Variants in SOHLH1 observed in about 807,000 individuals in gnomAD.
SOHLH1 encodes spermatogenesis and oogenesis specific basic helix-loop-helix 1, also known as spermatogenesis- and oogenesis-specific basic helix-loop-helix-containing protein 1.
SOHLH1 carries 23 observed loss-of-function variants against 36.2 expected under a neutral mutation model. The observed-to-expected ratio is 0.64, with a 90% CI of 0.46 to 0.90. The LOEUF is 0.90. SOHLH1 is among the 40% of genes least tolerant of loss of function. The pLI, the probability that SOHLH1 is intolerant of heterozygous loss-of-function variation, is 0.00. For missense variants in SOHLH1, 608 were observed against 517.0 expected (o/e 1.18, Z -1.71); for synonymous variants, 289 against 228.3 (o/e 1.27, Z -2.40).
rs760121445 is a variant in SOHLH1, at chr9:135,696,661, C to T, written c.612G>A (p.Glu204=). 9.3e-6 allele frequency: 15 copies of T among 1,612,790 alleles called. No individual in the cohort carries two copies. The highest frequency in any genetic ancestry group is 1.3e-5 in the Non-Finnish European group (15 of 1,179,912). The change falls in exon 5 of 8, where the codon GAG becomes GAA. Residue 204 remains glutamate, a synonymous_variant. Coordinates refer to ENST00000425225, the MANE Select transcript of SOHLH1 (RefSeq NM_001101677.2). ...GCACCTGGCACAGCCCCAACAGTGC[C>T]TCACACTTGTCCGTGCCCAGGGACG... The part of the protein sequence containing the change: ...SCTSLGTDKC[E]ALLGLCQVRG...
rs760786593 is a variant in SOHLH1, at chr9:135,696,740, T to C, written c.533A>G (p.Glu178Gly). The C allele has an allele frequency of 3.7e-6, 6 of 1,612,944 alleles. No individual in the cohort carries two copies. Among genetic ancestry groups the C allele is most frequent in the Non-Finnish European group, 5.1e-6 (6 of 1,180,008 alleles). The change falls in exon 5 of 8, where the codon GAG becomes GGG. Residue 178 changes from glutamate to glycine, a missense_variant. By Grantham distance (98) the Glu-to-Gly change is moderately conservative. Transcript: ENST00000425225. Reference protein sequence around the residue: ...WSLDPASASPEPVPHILASSR... With the variant: ...WSLDPASASPGPVPHILASSR... ...GGACGCAAGGATGTGCGGCACGGGC[T>C]CTGGGCTGGCCGACGCTGGATCCAG...
In SOHLH1 at chr9:135,698,987, C is replaced by G. The variant is rs758239978; in HGVS notation, c.197+8G>C. ...GCGCCCTCACCCCTGGGAGGCACCACCACTCACCTGCGCTCCCTCTCGCTG... is the reference window on the plus strand; with the variant it reads ...GCGCCCTCACCCCTGGGAGGCACCAGCACTCACCTGCGCTCCCTCTCGCTG... On this transcript the variant is annotated splice_region_variant and intron_variant, in intron 2 of 7. Coordinates refer to ENST00000425225, the MANE Select transcript of SOHLH1 (RefSeq NM_001101677.2). The G allele has an allele frequency of 1.2e-6, 2 of 1,611,386 alleles. No individual in the cohort carries two copies. Among genetic ancestry groups the G allele is most frequent in the Non-Finnish European group, 1.7e-6 (2 of 1,179,742 alleles).
chr9:135,696,333 AG>A (rs1347216830), intron 5 of SOHLH1, among the ~76,000 whole-genome samples: 3 of 152,030 alleles, frequency 2.0e-5, no homozygotes, highest in African/African-American at 4.8e-5. Flanking sequence ...ACAGGATAGA[AG>A]GAACAGCTCC....
At chr9:135,699,583 C>G (rs1366598258), upstream of SOHLH1, 3 of 1,121,540 alleles carry the variant, frequency 2.7e-6, no homozygotes, top group Non-Finnish European at 3.9e-6. Context: ...ACCCCACCCC[C>G]ACTTGCAATC....
Position 135,699,131 on chromosome 9 carries a change from C to A in SOHLH1, c.66-5G>T. ...AGGGCACCAGACAGGGAGCCGCTGC[C>A]GAGAAAGCCAAGAGCACCGGGCCCT... is the stretch of plus-strand genomic sequence containing the variant. On this transcript the variant is annotated splice_polypyrimidine_tract_variant and splice_region_variant and intron_variant, in intron 1 of 7. Coordinates refer to ENST00000425225, the MANE Select transcript of SOHLH1 (RefSeq NM_001101677.2). The A allele has an allele frequency of 1.9e-6, 3 of 1,594,722 alleles. No individual in the cohort carries two copies. The highest frequency in any genetic ancestry group is 2.6e-6 in the Non-Finnish European group (3 of 1,173,764).
upstream of SOHLH1, among the ~76,000 whole-genome samples, chr9:135,701,378 C>T (rs1835029544): frequency 6.6e-6 from 1 of 152,222 alleles, no homozygotes; most frequent in Admixed American, 6.5e-5. Flanking sequence ...CCCTCGTGGG[C>T]ACAGTCCTGG....
upstream of SOHLH1, among the ~76,000 whole-genome samples, chr9:135,700,105 C>T (rs1448685482): frequency 1.3e-5 from 2 of 152,194 alleles, no homozygotes; most frequent in Non-Finnish European, 2.9e-5. Flanking sequence ...CTCTTCCTCC[C>T]GCTGAGCTCT....
At chr9:135,699,488 A>C (rs778990891), upstream of SOHLH1, 2 of 1,608,878 alleles carry the variant, frequency 1.2e-6, no homozygotes, top group East Asian at 2.2e-5. Context: ...CTGCGGAGCG[A>C]CCCCACGCGC....
At position 135,694,475 on chromosome 9, in the gene SOHLH1, T is replaced by C; in HGVS notation, c.876-18A>G. ...ACGCAGACCTGGAAGCGACAAGCTC[T>C]TCCTCAGTGGCCACAAGCGGACCCA... On this transcript the variant is annotated intron_variant, in intron 6 of 7. Transcript: ENST00000425225. 1 of 1,610,980 alleles carries C rather than the reference T, an allele frequency of 6.2e-7. No individual in the cohort carries two copies. The highest frequency in any genetic ancestry group is 8.5e-7 in the Non-Finnish European group (1 of 1,178,972).
chr9:135,694,920 C>A, intron 6 of SOHLH1, 130 bp downstream of exon 6: 3 of 1,080,062 alleles, frequency 2.8e-6, no homozygotes, highest in South Asian at 1.5e-5. Flanking sequence ...CCCACGGGCA[C>A]AGAAGCAGAG....
At chr9:135,698,535 A>G in intron 2 of SOHLH1, 59 bp from the exon 3 acceptor site, 1 of 1,610,594 alleles carries the variant, frequency 6.2e-7, no homozygotes, top group Non-Finnish European at 8.5e-7. Flanking sequence ...GAGAAGGGAC[A>G]GCAACTGCTA....
At chr9:135,696,886 A>AGGGCT in intron 4 of SOHLH1, 81 bp from the exon 5 acceptor site, 1 of 1,478,100 alleles carries the variant, frequency 6.8e-7, no homozygotes, top group Non-Finnish European at 9.2e-7. Flanking sequence ...CCAAGAGCAG[A>AGGGCT]GGGCTGGACC....
intron 5 of SOHLH1, among the ~76,000 whole-genome samples, 185 bp from the exon 6 acceptor site, chr9:135,695,448 A>G (rs1409324245): frequency 1.3e-5 from 2 of 152,038 alleles, no homozygotes; most frequent in Non-Finnish European, 2.9e-5. Context: ...TAAACAAGGA[A>G]AAGATGAACA....
chr9:135,693,969 C>G (rs780835849), intron 7 of SOHLH1, 155 bp from the exon 8 acceptor site: 2 of 1,431,586 alleles, frequency 1.4e-6, no homozygotes, highest in African/African-American at 1.4e-5. Context: ...TGAGCTCATA[C>G]CTGGTGGCCC....
chr9:135,701,630 C>T (rs768681193), upstream of SOHLH1, among the ~76,000 whole-genome samples: 5 of 152,120 alleles, frequency 3.3e-5, no homozygotes, highest in Non-Finnish European at 7.4e-5. Flanking sequence ...TGGGTGAGAG[C>T]ACAGGGCGGG....
In SOHLH1 at chr9:135,698,485, G is replaced by A. The variant is rs376015424; in HGVS notation, c.198-9C>T. 9 of 1,613,052 alleles carry A rather than the reference G, an allele frequency of 5.6e-6. No homozygotes were observed. The Admixed American group carries it at 6.7e-5, about 12-fold the overall frequency. ...TCAACGACATCCGCTTCCTGGTTCC[G>A]GTCAAGAAACAAATACCTCTGGGCC... On this transcript the variant is annotated splice_polypyrimidine_tract_variant and intron_variant, in intron 2 of 7. Coordinates refer to ENST00000425225, the MANE Select transcript of SOHLH1 (RefSeq NM_001101677.2).
upstream of SOHLH1, among the ~76,000 whole-genome samples, chr9:135,699,787 C>A (rs1588236512): frequency 6.6e-6 from 1 of 151,970 alleles, no homozygotes. Context: ...GGGGTCGCCT[C>A]GGTTCCCACT....
At position 135,693,750 on chromosome 9, in the gene SOHLH1, A is replaced by T. The variant is rs1466982389; in HGVS notation, c.1011T>A (p.Asp337Glu). ...AWAPAESSPL[D>E]VGEPGFLGDP... ...CCCCTAGGAAGCCTGGCTCTCCAACATCCAGTGGACTGCTCTCAGCTGGGG... is the reference window on the plus strand; with the variant it reads ...CCCCTAGGAAGCCTGGCTCTCCAACTTCCAGTGGACTGCTCTCAGCTGGGG... The change falls in exon 8 of 8, where the codon GAT becomes GAA. Residue 337 changes from aspartate (D) to glutamate (E), a missense_variant. Asp to Glu is a conservative substitution (Grantham distance 45). Coordinates refer to ENST00000425225, the MANE Select transcript of SOHLH1 (RefSeq NM_001101677.2). 1.3e-6 allele frequency: 2 copies of T among 1,577,954 alleles called. No homozygotes were observed. Among genetic ancestry groups the T allele is most frequent in the Admixed American group, 1.8e-5 (1 of 55,286 alleles).
rs1386054150 is a variant in SOHLH1 at position 135,693,470 on chromosome 9, G to T, written c.*127C>A. On this transcript the variant is annotated 3_prime_UTR_variant, in exon 8 of 8. Transcript: ENST00000425225. Reference sequence around the variant, plus strand: ...ATTCACTATCCTCTTCTCACAGCCTGTAAGCCTCGCTCAAATTAGGGTGCA... The same window carrying T: ...ATTCACTATCCTCTTCTCACAGCCTTTAAGCCTCGCTCAAATTAGGGTGCA... 5 of 1,305,928 alleles carry T rather than the reference G, an allele frequency of 3.8e-6. No individual in the cohort carries two copies. The highest frequency in any genetic ancestry group is 4.1e-6 in the Non-Finnish European group (4 of 968,818). The allele number at this position is 1,305,928 out of a possible 1,614,324, so 80.9% of individuals were successfully genotyped here. A position where few individuals can be genotyped will look rare whatever the true frequency, so the allele number is the denominator to read the frequency against.
Sources: gnomAD v4.1 joint callset for allele counts (sites outside exome capture counted in the v4.1 genomes callset) on GRCh38, gnomAD v4.1.1 for gene constraint, MANE v1.5 for transcripts, NCBI Gene and HGNC (gene_info 2026-07-23, HGNC 2026-07-21) for gene names.